XXYLT1: variants seen among roughly 807,000 people sequenced by gnomAD.
XXYLT1 encodes the protein xyloside xylosyltransferase 1.
In XXYLT1, 20 loss-of-function variants were observed where a neutral mutation model predicts 28.9. The ratio of observed to expected loss-of-function variants is 0.69; its 90% CI spans 0.49 to 1.00. The LOEUF (loss-of-function observed/expected upper bound fraction) is 1.00, where lower values mean the gene tolerates loss of function less well. Among genes scored for constraint, XXYLT1 ranks in the 50% least tolerant of loss-of-function variants. The probability of loss-of-function intolerance (pLI) is 0.00; values close to 1 mark genes in which losing one functional copy is unlikely to be tolerated. For synonymous variants in XXYLT1, 257 were observed against 253.8 expected, an observed-to-expected ratio of 1.01 and a Z score of -0.12; for missense variants, 542 against 560.1, an observed-to-expected ratio of 0.97 and a Z score of 0.33.
In XXYLT1 at chr3:195,271,121, G is replaced by T. The variant is rs1243348769; in HGVS notation, c.-63C>A. On this transcript the variant is annotated 5_prime_UTR_variant, in exon 1 of 4. Transcript: ENST00000310380. ...CGGGAGAGCCCTCGGGTACCCGGAC[G>T]CCGGCGGCCACTTAGCCCCGGCGCC... 6.3e-6 allele frequency: 8 copies of T among 1,275,374 alleles called. No individual in the cohort carries two copies. Among genetic ancestry groups the T allele is most frequent in the Non-Finnish European group, 7.9e-6 (8 of 1,013,328 alleles). The allele number at this position is 1,275,374 out of a possible 1,614,324, so 79.0% of individuals were successfully genotyped here.
At chr3:195,190,132 C>T (rs1355335122) in intron 2 of XXYLT1, among the ~76,000 whole-genome samples, 1 of 142,820 alleles carries the variant, frequency 7.0e-6, no homozygotes, top group African/African-American at 2.9e-5. Context: ...TTCAAAAATG[C>T]AAAAAAAAAG....
At chr3:195,112,759 G>A (rs67509593) in intron 3 of XXYLT1, among the ~76,000 whole-genome samples, 74,019 of 142,940 alleles carry the variant, frequency 0.52, 19,604 homozygotes, top group Middle Eastern at 0.67. Flanking sequence ...AGCAGTGCGC[G>A]CATGCACACA....
intron 2 of XXYLT1, among the ~76,000 whole-genome samples, chr3:195,179,307 T>A (rs948527550): frequency 3.0e-4 from 42 of 141,428 alleles, no homozygotes; most frequent in Admixed American, 1.1e-3. Flanking sequence ...GCCACTGCAC[T>A]CCAGCCTGGG....
chr3:195,144,805 A>C (rs2108654963), intron 3 of XXYLT1, among the ~76,000 whole-genome samples: 1 of 152,268 alleles, frequency 6.6e-6, no homozygotes, highest in Admixed American at 6.5e-5. Flanking sequence ...GCAGCAGCTA[A>C]AAGGGTGTGA....
intron 3 of XXYLT1, among the ~76,000 whole-genome samples, chr3:195,088,013 C>G (rs140287680): frequency 1.3e-5 from 2 of 151,688 alleles, no homozygotes; most frequent in East Asian, 1.9e-4. Flanking sequence ...GATTACATCC[C>G]GCACCTGGCT....
intron 3 of XXYLT1, among the ~76,000 whole-genome samples, chr3:195,096,838 G>A (rs1431080868): frequency 6.6e-6 from 1 of 152,184 alleles, no homozygotes; most frequent in Non-Finnish European, 1.5e-5. Context: ...GAAACTGTAG[G>A]TACTCACGTC....
At chr3:195,202,043 G>A (rs866738622) in intron 2 of XXYLT1, among the ~76,000 whole-genome samples, 1 of 151,998 alleles carries the variant, frequency 6.6e-6, no homozygotes, top group Non-Finnish European at 1.5e-5. Context: ...CAGGTGTGGT[G>A]GTGTGCACCT....
Position 195,129,092 on chromosome 3 carries a change from T to C in XXYLT1, c.785+27357A>G, listed in dbSNP as rs1718775339. 6.6e-6 allele frequency among the ~76,000 whole-genome samples: 1 copy of C among 152,350 alleles called. No homozygotes were observed. The highest frequency in any genetic ancestry group is 1.9e-4 in the East Asian group (1 of 5,192). ...ATACAGATCTGTCAGTACTTAATGC[T>C]TGTTCTACCCTGGAAAAAATATTGT... On this transcript the variant is annotated intron_variant, in intron 3 of 3. Transcript: ENST00000310380. This position sits in a 1 kb window ranked among gnomAD's most constrained non-coding sequence, Gnocchi z 4.4.
At chr3:195,175,769 C>T in intron 2 of XXYLT1, 2 of 1,515,832 alleles carry the variant, frequency 1.3e-6, no homozygotes, top group Non-Finnish European at 1.8e-6. Context: ...GCCACTGCTC[C>T]CCTGGAAGCC....
rs867229132 is a variant in XXYLT1, at chr3:195,270,965, C to A, written c.94G>T (p.Ala32Ser). Residue 32 changes from alanine (A) to serine (S), a missense_variant, in exon 1 of 4, where the codon GCG becomes TCG. Ala to Ser is a moderately conservative substitution (Grantham distance 99). Coordinates refer to ENST00000310380, the MANE Select transcript of XXYLT1 (RefSeq NM_152531.5). ...TAGTAGAAGGCGCAGACGGCCAGCG[C>A]CGCGGCCAGCAGCAGGGCGCAGTAG... ...SHYCALLLAA[A>S]LAVCAFYYLG... The A allele has an allele frequency of 6.7e-7, 1 of 1,488,570 alleles. No individual in the cohort carries two copies. The highest frequency in any genetic ancestry group is 8.9e-7 in the Non-Finnish European group (1 of 1,122,342). 92.2% of individuals were successfully genotyped at this position (1,488,570 alleles called of 1,614,324 possible).
intron 1 of XXYLT1, among the ~76,000 whole-genome samples, chr3:195,250,918 A>C (rs892420347): frequency 2.6e-5 from 4 of 152,226 alleles, no homozygotes; most frequent in Admixed American, 2.6e-4. Context: ...GATAGCAGCA[A>C]TACTGGACGG....
At chr3:195,228,486 CTTT>C (rs897820464) in intron 1 of XXYLT1, among the ~76,000 whole-genome samples, 106 of 120,166 alleles carry the variant, frequency 8.8e-4, no homozygotes, top group African/African-American at 3.2e-3. Context: ...CTATATTTCA[CTTT>C]TTTTTTTTTT....
chr3:195,153,696 C>T lies in XXYLT1; in HGVS notation c.785+2753G>A, dbSNP rs151289755. Among the ~76,000 whole-genome samples the T allele has an allele frequency of 6.2e-3, 941 of 152,308 alleles. 4 individuals are homozygous for T. The highest frequency in any genetic ancestry group is 0.011 in the Non-Finnish European group (749 of 68,036). On this transcript the variant is annotated intron_variant, in intron 3 of 3. Transcript: ENST00000310380. Reference sequence around the variant, plus strand: ...TTTTAAGTTGCACTGTTTATAAAATCCTAGATCTACAGAAAATACAAATTC... The same window carrying T: ...TTTTAAGTTGCACTGTTTATAAAATTCTAGATCTACAGAAAATACAAATTC...
intron 1 of XXYLT1, among the ~76,000 whole-genome samples, chr3:195,266,191 C>T (rs540134131): frequency 5.3e-5 from 8 of 152,160 alleles, no homozygotes; most frequent in South Asian, 2.1e-4. Flanking sequence ...TGAATGGAAG[C>T]GATACAATAA....
At chr3:195,110,345 G>GTGAGGTGTATGGGTGAGGTGC (rs1560100887) in intron 3 of XXYLT1, among the ~76,000 whole-genome samples, 66 of 28,364 alleles carry the variant, frequency 2.3e-3, no homozygotes, top group South Asian at 6.9e-3. Context: ...GTATGTGTGT[G>GTGAGGTGTATGGGTGAGGTGC]GTGTGTGGTG....
chr3:195,128,724 T>C (rs575948829), intron 3 of XXYLT1, among the ~76,000 whole-genome samples: 5 of 152,332 alleles, frequency 3.3e-5, no homozygotes, highest in Non-Finnish European at 7.3e-5. Context: ...TAATTGGGCC[T>C]CTCCTATGTG....
intron 2 of XXYLT1, among the ~76,000 whole-genome samples, chr3:195,215,642 C>A (rs1264186274): frequency 1.4e-5 from 2 of 147,268 alleles, no homozygotes; most frequent in East Asian, 2.0e-4. Context: ...TATATATGCA[C>A]CCAATACAGG....
At chr3:195,270,312 G>T in intron 1 of XXYLT1, 1 of 932,812 alleles carries the variant, frequency 1.1e-6, no homozygotes, top group Non-Finnish European at 1.5e-6. Context: ...TTAACTGGGG[G>T]AGAGGAAAAC....
chr3:195,128,623 C>T (rs1260961497), intron 3 of XXYLT1, among the ~76,000 whole-genome samples: 1 of 152,202 alleles, frequency 6.6e-6, no homozygotes, highest in Non-Finnish European at 1.5e-5. Context: ...GCTCCTGTAG[C>T]TCCCTGGACC....
Sources: gnomAD v4.1 joint callset for allele counts (sites outside exome capture counted in the v4.1 genomes callset) on GRCh38, gnomAD v4.1.1 for gene constraint, Gnocchi (gnomAD v3.1) non-coding constraint, MANE v1.5 for transcripts, NCBI Gene and HGNC (gene_info 2026-07-23, HGNC 2026-07-21) for gene names.